CELF2: variants seen among roughly 807,000 people sequenced by gnomAD.
CELF2 encodes the protein CUGBP Elav-like family member 2.
CELF2 carries 8 observed loss-of-function variants against 62.6 expected under a neutral mutation model. That is an observed-to-expected ratio of 0.13 (90% CI 0.07 to 0.23). The LOEUF (loss-of-function observed/expected upper bound fraction) is 0.23, where lower values mean the gene tolerates loss of function less well. Among genes scored for constraint, CELF2 ranks in the 10% least tolerant of loss-of-function variants. CELF2 has a pLI of 1.00. For synonymous variants in CELF2, 258 were observed against 250.0 expected, an observed-to-expected ratio of 1.03 and a Z score of -0.30; for missense variants, 333 against 671.0, an observed-to-expected ratio of 0.50 and a Z score of 5.56.
chr10:10,488,669 C>A, the CELF2 span, among the ~76,000 whole-genome samples: 3 of 150,626 alleles, frequency 2.0e-5, no homozygotes, highest in Middle Eastern at 3.4e-3. Context: ...CACTTTTATT[C>A]TCTTTTCTAC....
chr10:11,159,729 G>A lies in CELF2; in HGVS notation c.75-5757G>A, dbSNP rs1403120658. Among the ~76,000 whole-genome samples the A allele has an allele frequency of 6.6e-6, 1 of 152,214 alleles. No individual in the cohort carries two copies. Among genetic ancestry groups the A allele is most frequent in the Non-Finnish European group, 1.5e-5 (1 of 68,042 alleles). ...ACCCGCCGGAGGCACCAGGCCCATC[G>A]CCAGGTTCTTTCTGCTTTTGCCTTA... On this transcript the variant is annotated intron_variant, in intron 1 of 12. Transcript: ENST00000633077. The surrounding 1 kb of genome is among the most constrained non-coding windows in gnomAD (Gnocchi z 5.0).
the CELF2 span, among the ~76,000 whole-genome samples, chr10:10,504,940 AG>A: frequency 6.6e-6 from 1 of 151,958 alleles, no homozygotes; most frequent in Non-Finnish European, 1.5e-5. Context: ...ATTTGCTTCA[AG>A]TATGTTTGTA....
chr10:10,558,206 C>T, the CELF2 span, among the ~76,000 whole-genome samples: 1 of 152,098 alleles, frequency 6.6e-6, no homozygotes. Flanking sequence ...TGAAATGCGT[C>T]CCATCAATAC....
At chr10:11,115,188 C>G (rs542890484) in intron 1 of CELF2, among the ~76,000 whole-genome samples, 41 of 152,318 alleles carry the variant, frequency 2.7e-4, no homozygotes, top group African/African-American at 7.5e-4. Context: ...ATGTACACAT[C>G]TACACAAATT....
At chr10:10,646,134 T>C in the CELF2 span, among the ~76,000 whole-genome samples, 30 of 152,188 alleles carry the variant, frequency 2.0e-4, no homozygotes, top group Non-Finnish European at 3.7e-4. Context: ...GTCTGTTTTT[T>C]CCCTATGAGA....
chr10:11,239,202 A>G (rs952350611), intron 3 of CELF2, among the ~76,000 whole-genome samples: 3 of 152,140 alleles, frequency 2.0e-5, no homozygotes, highest in Non-Finnish European at 4.4e-5. Flanking sequence ...ATTTTTTGCC[A>G]GGACTAAATG....
In CELF2 at chr10:11,163,564, G is replaced by A. The variant is rs192009777; in HGVS notation, c.75-1922G>A. On this transcript the variant is annotated intron_variant, in intron 1 of 12. Transcript: ENST00000633077. ...ACAATCTGGCTCTAATATAAACAAG[G>A]ATTACATTACACCAAAATTGTTGAG... 8.6e-3 allele frequency among the ~76,000 whole-genome samples: 1,312 copies of A among 152,262 alleles called. 7 individuals are homozygous for A. The highest frequency in any genetic ancestry group is 0.013 in the Non-Finnish European group (876 of 68,022).
the CELF2 span, among the ~76,000 whole-genome samples, chr10:10,571,799 A>G: frequency 6.6e-6 from 1 of 152,138 alleles, no homozygotes; most frequent in Non-Finnish European, 1.5e-5. Context: ...AGAGTGTAAA[A>G]ATTTAGAAGT....
chr10:10,564,499 T>C, the CELF2 span, among the ~76,000 whole-genome samples: 3 of 152,256 alleles, frequency 2.0e-5, no homozygotes, highest in East Asian at 5.8e-4. Flanking sequence ...ATCGCTGGAA[T>C]TATGACTATG....
At chr10:10,798,890 G>A in intron 1 of CELF2, 1 of 398,836 alleles carries the variant, frequency 2.5e-6, no homozygotes, top group Non-Finnish European at 4.4e-6. Context: ...CCCCACACCT[G>A]TGCAGAAGTG....
At chr10:10,927,900 T>A (rs2065691626) in intron 2 of CELF2, among the ~76,000 whole-genome samples, 2 of 152,308 alleles carry the variant, frequency 1.3e-5, no homozygotes, top group South Asian at 4.1e-4. Flanking sequence ...CAAAATATTG[T>A]TTTTTTCATA....
the CELF2 span, chr10:10,784,666 C>G: frequency 1.3e-5 from 2 of 152,448 alleles, no homozygotes; most frequent in African/African-American, 4.8e-5. Flanking sequence ...CTCTTTGTCT[C>G]TCCCTGTGGA....
chr10:11,162,066 G>A lies in CELF2; in HGVS notation c.75-3420G>A, dbSNP rs571677958. 3.2e-3 allele frequency among the ~76,000 whole-genome samples: 480 copies of A among 152,288 alleles called. 3 individuals are homozygous for A. The highest frequency in any genetic ancestry group is 0.011 in the African/African-American group (448 of 41,546). Reference sequence around the variant, plus strand: ...ATGAGAAGGGAGTAAACCAAGCTGCGGCAGTACTGTGGGGATTCAGGGCAT... The same window carrying A: ...ATGAGAAGGGAGTAAACCAAGCTGCAGCAGTACTGTGGGGATTCAGGGCAT... On this transcript the variant is annotated intron_variant, in intron 1 of 12. Transcript: ENST00000633077.
the CELF2 span, among the ~76,000 whole-genome samples, chr10:10,539,667 C>T: frequency 6.6e-6 from 1 of 152,176 alleles, no homozygotes; most frequent in Non-Finnish European, 1.5e-5. Flanking sequence ...ACGATATTGC[C>T]ACTGCTTTTA....
At chr10:10,492,509 C>T in the CELF2 span, among the ~76,000 whole-genome samples, 41 of 152,128 alleles carry the variant, frequency 2.7e-4, no homozygotes, top group Admixed American at 1.8e-3. Context: ...AAAAGTATGG[C>T]GGTTCTTCCA....
the CELF2 span, among the ~76,000 whole-genome samples, chr10:10,717,305 C>A: frequency 6.2e-4 from 94 of 151,840 alleles, no homozygotes; most frequent in African/African-American, 2.2e-3. Context: ...ATTTTTTTAA[C>A]GTGCTAGCAT....
Position 11,197,052 on chromosome 10 carries a change from A to AGAAGGAAAGAAAGAAGAGAGAAG in CELF2, c.272-20370_272-20369insGGAAAGAAAGAAGAGAGAAGGAA, listed in dbSNP as rs1565233002. Among the ~76,000 whole-genome samples the AGAAGGAAAGAAAGAAGAGAGAAG allele has an allele frequency of 9.5e-5, 3 of 31,688 alleles. 1 individual carries two copies. The highest frequency in any genetic ancestry group is 1.6e-4 in the Non-Finnish European group (2 of 12,656). 20.8% of individuals were successfully genotyped at this position (31,688 alleles called of 152,430 possible). A position where few individuals can be genotyped will look rare whatever the true frequency, so the allele number is the denominator to read the frequency against. On this transcript the variant is annotated intron_variant, in intron 2 of 12. Coordinates refer to ENST00000633077, the MANE Select transcript of CELF2 (RefSeq NM_001326342.2). ...AAGAAAGAAAGAAAGAAAGAAAGAA[A>AGAAGGAAAGAAAGAAGAGAGAAG]GAAAGAAAAGAAAGAAAGGAAAGAA...
At chr10:10,920,697 A>C (rs566736505) in intron 2 of CELF2, among the ~76,000 whole-genome samples, 1 of 150,796 alleles carries the variant, frequency 6.6e-6, no homozygotes, top group South Asian at 2.1e-4. Flanking sequence ...GGAGAAATGG[A>C]GAAAAGAAGG....
At chr10:11,150,101 A>G (rs2063045794) in intron 1 of CELF2, among the ~76,000 whole-genome samples, 1 of 152,220 alleles carries the variant, frequency 6.6e-6, no homozygotes, top group Non-Finnish European at 1.5e-5. Context: ...AGCTTTCAAC[A>G]TCAGTGATAT....
Sources: gnomAD v4.1 joint callset for allele counts (sites outside exome capture counted in the v4.1 genomes callset) on GRCh38, gnomAD v4.1.1 for gene constraint, Gnocchi (gnomAD v3.1) non-coding constraint, MANE v1.5 for transcripts, NCBI Gene and HGNC (gene_info 2026-07-23, HGNC 2026-07-21) for gene names.